The following ZNF469 variants were observed in gnomAD, a reference collection of about 807,000 sequenced individuals.
ZNF469 encodes zinc finger protein 469.
A neutral mutation model predicts 1.0 loss-of-function variants in ZNF469; 1 was observed. The ratio of observed to expected loss-of-function variants is 1.00; its 90% CI spans 0.35 to 4.73. The LOEUF is 4.73. Among genes scored for constraint, ZNF469 ranks in the 30% most tolerant of loss-of-function variants. The pLI, the probability that ZNF469 is intolerant of heterozygous loss-of-function variation, is 0.16. For missense variants in ZNF469, 6,100 were observed against 5,356.3 expected, an observed-to-expected ratio of 1.14 and a Z score of -4.33; for synonymous variants, 2,703 against 2,363.4, an observed-to-expected ratio of 1.14 and a Z score of -4.17.
the ZNF469 span, among the ~76,000 whole-genome samples, chr16:88,353,955 A>G: frequency 6.6e-6 from 1 of 152,026 alleles, no homozygotes; most frequent in African/African-American, 2.4e-5. Context: ...CCCTCCTCAC[A>G]TCCGCCGTGA....
the ZNF469 span, among the ~76,000 whole-genome samples, chr16:88,287,371 A>T: frequency 6.6e-6 from 1 of 152,238 alleles, no homozygotes; most frequent in Non-Finnish European, 1.5e-5. Flanking sequence ...GCACATGTAT[A>T]TGGCATGTTG....
rs1230011512 is a variant in ZNF469, at chr16:88,427,856, C to T, written c.386C>T (p.Thr129Ile). The change falls in exon 3 of 3, where the codon ACC becomes ATC. Residue 129 changes from threonine to isoleucine, a missense_variant. Coordinates refer to ENST00000565624, the MANE Select transcript of ZNF469 (RefSeq NM_001367624.2). ...ATTCTGGGCATCGCCAGCTCGAGGACCAAGCCCACCCTGGACGAGACACCA... is the reference window on the plus strand; with the variant it reads ...ATTCTGGGCATCGCCAGCTCGAGGATCAAGCCCACCCTGGACGAGACACCA... ...RYILGIASSR[T>I]KPTLDETPEN... 6.5e-7 allele frequency: 1 copy of T among 1,549,504 alleles called. No individual in the cohort carries two copies. The highest frequency in any genetic ancestry group is 8.7e-7 in the Non-Finnish European group (1 of 1,146,796).
the ZNF469 span, among the ~76,000 whole-genome samples, chr16:88,139,271 C>T: frequency 3.3e-5 from 5 of 152,078 alleles, no homozygotes; most frequent in East Asian, 5.8e-4. Flanking sequence ...CTTTTTGCCC[C>T]CTGGCCTGGG....
chr16:88,143,892 G>A, the ZNF469 span, among the ~76,000 whole-genome samples: 136 of 152,266 alleles, frequency 8.9e-4, no homozygotes, highest in African/African-American at 3.0e-3. Context: ...AGGACCCGCC[G>A]CTATTTCCCT....
intron 1 of ZNF469, among the ~76,000 whole-genome samples, chr16:88,383,648 G>A (rs2092530958): frequency 6.6e-6 from 1 of 150,854 alleles, no homozygotes; most frequent in South Asian, 2.1e-4. Flanking sequence ...GCGGGGCCCG[G>A]GCCGCCCCAT....
chr16:88,283,865 C>T, the ZNF469 span, among the ~76,000 whole-genome samples: 2 of 140,330 alleles, frequency 1.4e-5, no homozygotes, highest in Non-Finnish European at 3.0e-5. Flanking sequence ...GGCTGGTAGA[C>T]CCCCAGTGTG....
At chr16:88,331,303 T>A in the ZNF469 span, among the ~76,000 whole-genome samples, 1 of 147,932 alleles carries the variant, frequency 6.8e-6, no homozygotes, top group Admixed American at 6.7e-5. Flanking sequence ...ACCATCACCA[T>A]CATTATCATC....
the ZNF469 span, among the ~76,000 whole-genome samples, chr16:88,160,771 C>T: frequency 1.3e-5 from 2 of 152,188 alleles, no homozygotes. Context: ...TGCACCTTTT[C>T]CCACCCAGCA....
At chr16:88,396,905 A>ATGAAGGGAGGCCGGGAGGAGACCCGTC (rs1904692681) in intron 1 of ZNF469, among the ~76,000 whole-genome samples, 1 of 94,870 alleles carries the variant, frequency 1.1e-5, no homozygotes, top group Non-Finnish European at 2.1e-5. Flanking sequence ...GGAGACCCTC[A>ATGAAGGGAGGCCGGGAGGAGACCCGTC]TGAAGGGAGG....
chr16:88,401,886 G>A (rs1380887482), intron 1 of ZNF469, among the ~76,000 whole-genome samples: 9 of 147,354 alleles, frequency 6.1e-5, no homozygotes, highest in Non-Finnish European at 1.2e-4. Flanking sequence ...ATAGATGGGT[G>A]AGTGGGTGAG....
chr16:88,142,749 C>T, the ZNF469 span, among the ~76,000 whole-genome samples: 10,102 of 152,198 alleles, frequency 0.066, 605 homozygotes, highest in East Asian at 0.16. Flanking sequence ...GGGAGTCGGC[C>T]GGCAGCAGCT....
the ZNF469 span, among the ~76,000 whole-genome samples, chr16:88,250,688 A>C: frequency 5.9e-5 from 9 of 152,150 alleles, no homozygotes; most frequent in Non-Finnish European, 1.2e-4. Flanking sequence ...TCCATTTTTC[A>C]AATTAAGTAA....
chr16:88,357,778 G>A, the ZNF469 span, among the ~76,000 whole-genome samples: 2 of 152,262 alleles, frequency 1.3e-5, no homozygotes, highest in South Asian at 2.1e-4. Flanking sequence ...ATGCAAAAAT[G>A]TGCAGCATGC....
the ZNF469 span, among the ~76,000 whole-genome samples, chr16:88,355,097 G>A: frequency 6.6e-6 from 1 of 152,144 alleles, no homozygotes; most frequent in Non-Finnish European, 1.5e-5. Context: ...GTGGGCAGGG[G>A]GCGCAGAACA....
At chr16:88,298,953 G>A in the ZNF469 span, among the ~76,000 whole-genome samples, 2 of 152,236 alleles carry the variant, frequency 1.3e-5, no homozygotes, top group Non-Finnish European at 2.9e-5. Flanking sequence ...ACCTGGGGGA[G>A]CAGACACACA....
chr16:88,403,043 C>T (rs970174375), intron 1 of ZNF469, among the ~76,000 whole-genome samples: 1 of 152,226 alleles, frequency 6.6e-6, no homozygotes, highest in Non-Finnish European at 1.5e-5. Context: ...AGACATGGTG[C>T]ATCCAGGCAC....
chr16:88,219,447 C>A, the ZNF469 span, among the ~76,000 whole-genome samples: 1 of 139,554 alleles, frequency 7.2e-6, no homozygotes, highest in Admixed American at 7.2e-5. Context: ...CAGAACAGAG[C>A]CCTCAGAAAT....
chr16:88,249,780 C>G, the ZNF469 span, among the ~76,000 whole-genome samples: 5 of 152,200 alleles, frequency 3.3e-5, no homozygotes, highest in African/African-American at 1.2e-4. Context: ...CTATTTTGCC[C>G]TGGCTGGTCT....
At chr16:88,317,182 G>A in the ZNF469 span, among the ~76,000 whole-genome samples, 1 of 152,320 alleles carries the variant, frequency 6.6e-6, no homozygotes, top group Non-Finnish European at 1.5e-5. Flanking sequence ...TGCTGGCCTG[G>A]CCCTCAGCTG....
Sources: gnomAD v4.1 joint callset for allele counts (sites outside exome capture counted in the v4.1 genomes callset) on GRCh38, gnomAD v4.1.1 for gene constraint, MANE v1.5 for transcripts, NCBI Gene and HGNC (gene_info 2026-07-23, HGNC 2026-07-21) for gene names.